Variants in EML4 observed in about 807,000 individuals in gnomAD.
EML4 encodes EMAP like 4, also known as echinoderm microtubule-associated protein-like 4.
EML4 carries 72 observed loss-of-function variants against 129.0 expected under a neutral mutation model. The ratio of observed to expected loss-of-function variants is 0.56; its 90% CI spans 0.46 to 0.68. The LOEUF (loss-of-function observed/expected upper bound fraction) is 0.68. Among genes scored for constraint, EML4 ranks in the 30% least tolerant of loss-of-function variants. The pLI is 0.00. For synonymous variants in EML4, 532 were observed against 405.0 expected, an observed-to-expected ratio of 1.31 and a Z score of -3.77; for missense variants, 1,363 against 1,190.6, an observed-to-expected ratio of 1.14 and a Z score of -2.13.
chr2:42,174,664 T>C (rs1047955236), intron 1 of EML4, among the ~76,000 whole-genome samples: 4 of 152,214 alleles, frequency 2.6e-5, no homozygotes, highest in Non-Finnish European at 2.9e-5. Flanking sequence ...AATACCTTAA[T>C]TTTGCATGCT....
chr2:42,249,293 A>ATTT (rs10699779), intron 2 of EML4, among the ~76,000 whole-genome samples: 11 of 151,330 alleles, frequency 7.3e-5, no homozygotes, highest in East Asian at 1.9e-4. Context: ...TTTATGTGTG[A>ATTT]TTTTTTAGCC....
chr2:42,274,067 C>T (rs902969581), intron 6 of EML4, among the ~76,000 whole-genome samples: 2 of 152,146 alleles, frequency 1.3e-5, no homozygotes, highest in Non-Finnish European at 2.9e-5. Context: ...ATATTTCTAG[C>T]ATTTTGGTTG....
In EML4 at chr2:42,280,920, C is replaced by G; in HGVS notation, c.738C>G (p.Asn246Lys). The change falls in exon 7 of 23, where the codon AAC becomes AAG. Residue 246 changes from asparagine (N) to lysine (K), a missense_variant. By Grantham distance (94) the Asn-to-Lys change is moderately conservative. Coordinates refer to ENST00000318522, the MANE Select transcript of EML4 (RefSeq NM_019063.5). ...ITMFIPSDVD[N>K]YDDIRTELPP... Reference sequence around the variant, plus strand: ...TGTTCATTCCTTCCGATGTTGACAACTATGATGACATCAGAACGGAACTGC... The same window carrying G: ...TGTTCATTCCTTCCGATGTTGACAAGTATGATGACATCAGAACGGAACTGC... 6.2e-7 allele frequency: 1 copy of G among 1,612,188 alleles called. No homozygotes were observed. Among genetic ancestry groups the G allele is most frequent in the Non-Finnish European group, 8.5e-7 (1 of 1,178,534 alleles).
chr2:42,289,597 C>T (rs1357246304), intron 11 of EML4: 2 of 152,130 alleles, frequency 1.3e-5, no homozygotes, highest in African/African-American at 4.8e-5. Context: ...CAGTTTCATC[C>T]CTTAGTGATT....
intron 21 of EML4, among the ~76,000 whole-genome samples, chr2:42,326,811 G>A (rs1572766031): frequency 6.6e-6 from 1 of 152,170 alleles, no homozygotes; most frequent in Non-Finnish European, 1.5e-5. Flanking sequence ...GAACCTGGGA[G>A]GCAGAGGCTG....
At position 42,169,563 on chromosome 2, in the gene EML4, A is replaced by G. The variant is rs1166068763; in HGVS notation, c.-49A>G. ...GTCGGCCACTCTGTCGGTCCGCTGA[A>G]TGAAGTGCCCGCCCCTCTAAGCCCG... On this transcript the variant is annotated 5_prime_UTR_variant, in exon 1 of 23. An upstream start codon of the reference 5' UTR is lost. Coordinates refer to ENST00000318522, the MANE Select transcript of EML4 (RefSeq NM_019063.5). 5 of 1,585,912 alleles carry G rather than the reference A, an allele frequency of 3.2e-6. No homozygotes were observed. Among genetic ancestry groups the G allele is most frequent in the Non-Finnish European group, 4.3e-6 (5 of 1,170,318 alleles).
intron 1 of EML4, among the ~76,000 whole-genome samples, chr2:42,177,666 C>G (rs1287732320): frequency 2.0e-5 from 3 of 152,122 alleles, no homozygotes; most frequent in African/African-American, 7.2e-5. Context: ...GTTCTTATTT[C>G]TCATTTCACC....
chr2:42,181,912 T>G (rs935062441), intron 1 of EML4, among the ~76,000 whole-genome samples: 1 of 152,178 alleles, frequency 6.6e-6, no homozygotes, highest in African/African-American at 2.4e-5. Flanking sequence ...TCACAGTAGT[T>G]AAAATTAAGG....
In EML4 at chr2:42,176,605, T is replaced by C. The variant is rs192896484; in HGVS notation, c.25+6969T>C. Among the ~76,000 whole-genome samples, 9 of 152,324 alleles carry C rather than the reference T, an allele frequency of 5.9e-5. No individual in the cohort carries two copies. In the East Asian group the frequency reaches 7.7e-4, roughly 13 times the overall value. ...CCTTCAAGGCTCAACTCAAATATTA[T>C]TTCCTTTCTAAAAATGTTTACTTCT... is the stretch of plus-strand genomic sequence containing the variant. On this transcript the variant is annotated intron_variant, in intron 1 of 22. Coordinates refer to ENST00000318522, the MANE Select transcript of EML4 (RefSeq NM_019063.5).
intron 19 of EML4, among the ~76,000 whole-genome samples, chr2:42,319,003 C>T (rs932834001): frequency 3.3e-5 from 5 of 152,028 alleles, no homozygotes; most frequent in South Asian, 2.1e-4. Context: ...TGCACCTGTC[C>T]GGTTTTTAAT....
At chr2:42,328,803 T>G in intron 21 of EML4, 83 bp from the exon 22 acceptor site, 4 of 1,149,360 alleles carry the variant, frequency 3.5e-6, no homozygotes, top group African/African-American at 1.6e-5. Context: ...CTAAACAGAT[T>G]CTAAAATAAA....
chr2:42,232,881 C>T (rs1359240697), intron 1 of EML4, among the ~76,000 whole-genome samples: 1 of 152,018 alleles, frequency 6.6e-6, no homozygotes, highest in Admixed American at 6.6e-5. Flanking sequence ...CCCGCCACAA[C>T]GCGCGGCTAA....
At chr2:42,314,916 G>A (rs1172989603) in intron 17 of EML4, among the ~76,000 whole-genome samples, 3 of 152,172 alleles carry the variant, frequency 2.0e-5, no homozygotes, top group Non-Finnish European at 4.4e-5. Context: ...GATTTAAGTC[G>A]TTGTTTTACG....
chr2:42,249,505 T>A (rs1422728320), intron 2 of EML4, among the ~76,000 whole-genome samples: 1 of 152,160 alleles, frequency 6.6e-6, no homozygotes, highest in Non-Finnish European at 1.5e-5. Context: ...TGAAGAGAGC[T>A]ATTTTATGGT....
At chr2:42,208,363 A>T (rs1017648928) in intron 1 of EML4, among the ~76,000 whole-genome samples, 3 of 151,406 alleles carry the variant, frequency 2.0e-5, no homozygotes, top group South Asian at 2.1e-4. Context: ...ATATTAAAAA[A>T]TTTTTATTTT....
intron 1 of EML4, among the ~76,000 whole-genome samples, chr2:42,183,606 A>G (rs1372588324): frequency 1.3e-5 from 2 of 152,198 alleles, no homozygotes; most frequent in Non-Finnish European, 2.9e-5. Context: ...TAAAATACAC[A>G]TATGCTTTTT....
intron 1 of EML4, among the ~76,000 whole-genome samples, chr2:42,191,565 A>T (rs1008990871): frequency 7.2e-5 from 11 of 152,174 alleles, no homozygotes; most frequent in South Asian, 2.1e-4. Context: ...TAGTTTCTCA[A>T]ATGAAGGATA....
intron 1 of EML4, among the ~76,000 whole-genome samples, chr2:42,227,473 CTTT>C (rs201223334): frequency 2.2e-4 from 29 of 133,140 alleles, no homozygotes; most frequent in Admixed American, 2.3e-4. Flanking sequence ...CCTGTTAAGG[CTTT>C]TTTTTTTTTT....
Position 42,261,103 on chromosome 2 carries a change from T to G in EML4, c.339-18T>G, listed in dbSNP as rs918677994. 1 of 1,570,326 alleles carries G rather than the reference T, an allele frequency of 6.4e-7. No individual in the cohort carries two copies. The highest frequency in any genetic ancestry group is 8.7e-7 in the Non-Finnish European group (1 of 1,151,508). On this transcript the variant is annotated intron_variant, in intron 3 of 22. Transcript: ENST00000318522. Reference sequence around the variant, plus strand: ...TTGTTTAAATGTGTATTGTTCCATGTTATACTTTATTTTACAGTGGTACAG... The same window carrying G: ...TTGTTTAAATGTGTATTGTTCCATGGTATACTTTATTTTACAGTGGTACAG...
Sources: gnomAD v4.1 joint callset for allele counts (sites outside exome capture counted in the v4.1 genomes callset) on GRCh38, gnomAD v4.1.1 for gene constraint, MANE v1.5 for transcripts, NCBI Gene and HGNC (gene_info 2026-07-23, HGNC 2026-07-21) for gene names.